The following MACROD2 variants were observed in gnomAD, a reference collection of about 807,000 sequenced individuals.
MACROD2 encodes the protein mono-ADP ribosylhydrolase 2.
Under a neutral mutation model 70.4 loss-of-function variants are expected in MACROD2, and 36 were observed. The observed-to-expected ratio is 0.51, with a 90% confidence interval of 0.39 to 0.68. The LOEUF (loss-of-function observed/expected upper bound fraction) is 0.68. MACROD2 is among the 30% of genes least tolerant of loss of function. The probability of loss-of-function intolerance (pLI) is 0.00; values close to 1 mark genes in which losing one functional copy is unlikely to be tolerated. For missense variants in MACROD2, 496 were observed against 538.4 expected, an observed-to-expected ratio of 0.92 and a Z score of 0.78; for synonymous variants, 172 against 178.8, an observed-to-expected ratio of 0.96 and a Z score of 0.30.
intron 3 of MACROD2, among the ~76,000 whole-genome samples, chr20:14,226,596 C>T (rs1033288931): frequency 3.3e-5 from 5 of 152,298 alleles, no homozygotes; most frequent in Admixed American, 6.5e-5. Context: ...GGGCCGCGCA[C>T]TCGGAGCAGC....
intron 5 of MACROD2, among the ~76,000 whole-genome samples, chr20:14,862,927 G>A (rs995209299): frequency 4.0e-5 from 6 of 150,888 alleles, no homozygotes; most frequent in Non-Finnish European, 8.8e-5. Context: ...TAGTTAAATA[G>A]TAATACAAAA....
intron 8 of MACROD2, among the ~76,000 whole-genome samples, chr20:15,706,915 C>G (rs1357331168): frequency 6.6e-6 from 1 of 152,016 alleles, no homozygotes; most frequent in Non-Finnish European, 1.5e-5. Flanking sequence ...ATTCATGGGC[C>G]CTGATGTTAC....
chr20:14,024,766 C>T (rs922176246), intron 2 of MACROD2, among the ~76,000 whole-genome samples: 23 of 152,140 alleles, frequency 1.5e-4, no homozygotes, highest in Non-Finnish European at 3.1e-4. Context: ...CTGCTGAATT[C>T]GGTTCGCCAG....
chr20:14,265,883 T>C (rs1468798862), intron 3 of MACROD2, among the ~76,000 whole-genome samples: 3 of 151,612 alleles, frequency 2.0e-5, no homozygotes. Context: ...TTCACGCCAT[T>C]CTCCTGCCTC....
intron 12 of MACROD2, among the ~76,000 whole-genome samples, chr20:15,957,489 A>G (rs1162212771): frequency 1.3e-5 from 2 of 152,094 alleles, no homozygotes; most frequent in African/African-American, 2.4e-5. Flanking sequence ...CATAACCTTG[A>G]TGCTCTCTCA....
intron 8 of MACROD2, among the ~76,000 whole-genome samples, chr20:15,571,843 T>C (rs16996026): frequency 0.026 from 3,956 of 152,260 alleles, 102 homozygotes; most frequent in South Asian, 0.062. Flanking sequence ...TCTTGAAGAC[T>C]AAAAATAAAC....
chr20:14,185,642 T>C (rs1046488557), intron 3 of MACROD2, among the ~76,000 whole-genome samples: 1 of 152,082 alleles, frequency 6.6e-6, no homozygotes, highest in Non-Finnish European at 1.5e-5. Flanking sequence ...TAATATAAAA[T>C]GCAAAGGTCT....
At chr20:14,975,483 A>G (rs1451445301) in intron 5 of MACROD2, among the ~76,000 whole-genome samples, 1 of 152,080 alleles carries the variant, frequency 6.6e-6, no homozygotes, top group Non-Finnish European at 1.5e-5. Flanking sequence ...AGGCGCAGGG[A>G]AGCAGGGTAC....
chr20:14,554,684 T>C (rs1978904685), intron 4 of MACROD2, among the ~76,000 whole-genome samples: 1 of 152,146 alleles, frequency 6.6e-6, no homozygotes, highest in African/African-American at 2.4e-5. Flanking sequence ...GCCTAAGAGA[T>C]ATGTATGAGA....
chr20:14,659,232 C>T (rs1378500635), intron 4 of MACROD2, among the ~76,000 whole-genome samples: 1 of 152,154 alleles, frequency 6.6e-6, no homozygotes, highest in African/African-American at 2.4e-5. Flanking sequence ...TAATTTTGTA[C>T]TTACCCTTTT....
intron 5 of MACROD2, among the ~76,000 whole-genome samples, chr20:15,137,289 G>A (rs1174893270): frequency 6.6e-6 from 1 of 151,980 alleles, no homozygotes; most frequent in African/African-American, 2.4e-5. Context: ...ATTCACGATA[G>A]CAAAGACTTG....
At chr20:15,481,916 CT>C (rs537823374) in intron 7 of MACROD2, among the ~76,000 whole-genome samples, 1 of 151,412 alleles carries the variant, frequency 6.6e-6, no homozygotes, top group African/African-American at 2.4e-5. Flanking sequence ...TGAATTTCTT[CT>C]TTTTTTTTCT....
At chr20:15,224,841 T>C (rs2076891564) in intron 5 of MACROD2, among the ~76,000 whole-genome samples, 1 of 151,686 alleles carries the variant, frequency 6.6e-6, no homozygotes, top group Non-Finnish European at 1.5e-5. Context: ...ATGCCTGTAA[T>C]CCCAGCTACT....
intron 3 of MACROD2, among the ~76,000 whole-genome samples, chr20:14,095,625 AT>A (rs1181608965): frequency 6.6e-6 from 1 of 152,194 alleles, no homozygotes; most frequent in Non-Finnish European, 1.5e-5. Context: ...ATCTATCTAT[AT>A]TAAATATAGA....
At chr20:14,482,048 G>T (rs1485432587) in intron 3 of MACROD2, among the ~76,000 whole-genome samples, 1 of 152,160 alleles carries the variant, frequency 6.6e-6, no homozygotes, top group Non-Finnish European at 1.5e-5. Context: ...TAATGGAAAT[G>T]AATCATACAA....
chr20:14,135,218 A>T (rs1352189521), intron 3 of MACROD2, among the ~76,000 whole-genome samples: 1 of 152,184 alleles, frequency 6.6e-6, no homozygotes, highest in Non-Finnish European at 1.5e-5. Flanking sequence ...AAATCTCCAT[A>T]CCAATATCTG....
intron 5 of MACROD2, among the ~76,000 whole-genome samples, chr20:15,095,551 T>C (rs973355866): frequency 2.6e-5 from 4 of 152,052 alleles, no homozygotes; most frequent in Admixed American, 6.6e-5. Flanking sequence ...AGGGTCTTGC[T>C]CTGTAGCCCA....
chr20:15,466,641 C>G (rs762569899), intron 7 of MACROD2, among the ~76,000 whole-genome samples: 1 of 152,178 alleles, frequency 6.6e-6, no homozygotes, highest in Non-Finnish European at 1.5e-5. Flanking sequence ...TGATTTCTCT[C>G]TAACATACTT....
At chr20:14,614,458 T>C (rs1983358670) in intron 4 of MACROD2, among the ~76,000 whole-genome samples, 1 of 152,090 alleles carries the variant, frequency 6.6e-6, no homozygotes, top group South Asian at 2.1e-4. Context: ...GGAGCAATTA[T>C]TGAAATTGCT....
Sources: allele counts gnomAD v4.1 joint callset (sites outside exome capture counted in the v4.1 genomes callset), GRCh38; gene constraint gnomAD v4.1.1; transcripts MANE v1.5; gene names NCBI Gene and HGNC (gene_info 2026-07-23, HGNC 2026-07-21).